The following CMPK2 variants were observed in gnomAD, a reference collection of about 807,000 sequenced individuals.
CMPK2 encodes the protein cytidine/uridine monophosphate kinase 2.
A neutral mutation model predicts 33.4 loss-of-function variants in CMPK2; 32 were observed. The observed-to-expected ratio is 0.96, with a 90% CI of 0.72 to 1.29. CMPK2 has a LOEUF of 1.29. CMPK2 is among the 50% of genes most tolerant of loss of function. The pLI is 0.00. For synonymous variants in CMPK2, 299 were observed against 275.3 expected, an observed-to-expected ratio of 1.09 and a Z score of -0.85; for missense variants, 672 against 616.0, an observed-to-expected ratio of 1.09 and a Z score of -0.96.
chr2:6,864,813 T>C (rs894771757), intron 1 of CMPK2, among the ~76,000 whole-genome samples: 1 of 152,110 alleles, frequency 6.6e-6, no homozygotes, highest in Non-Finnish European at 1.5e-5. Flanking sequence ...TGTAGGTCTA[T>C]GTTCCACGTC....
downstream of CMPK2, among the ~76,000 whole-genome samples, chr2:6,845,986 A>G (rs1208825719): frequency 1.3e-5 from 2 of 151,964 alleles, no homozygotes; most frequent in East Asian, 3.9e-4. Context: ...TTGGTCTACA[A>G]ATAGGACATG....
intron 3 of CMPK2, among the ~76,000 whole-genome samples, chr2:6,856,831 A>C (rs1168622128): frequency 6.6e-6 from 1 of 152,240 alleles, no homozygotes; most frequent in South Asian, 2.1e-4. Context: ...GCCCTCATGC[A>C]TTGCACAACA....
At chr2:6,845,072 AACTGT>A (rs1662324620), downstream of CMPK2, among the ~76,000 whole-genome samples, 1 of 152,302 alleles carries the variant, frequency 6.6e-6, no homozygotes, top group Non-Finnish European at 1.5e-5. Flanking sequence ...GTGTGGGGTC[AACTGT>A]ACAATGCTTA....
rs115978078 is a variant in CMPK2 at position 6,848,331 on chromosome 2, C to T, written c.*1519G>A. On this transcript the variant is annotated 3_prime_UTR_variant, in exon 5 of 5. Transcript: ENST00000256722. The stretch of plus-strand genomic sequence containing the variant: ...GATGACAGCATAGATTAGTAAACCA[C>T]AGCAAAGTTTATTCATGTGCCAGGG... 420 of 984,054 alleles carry T rather than the reference C, an allele frequency of 4.3e-4. 1 individual carries two copies. The African/African-American group carries it at 6.9e-3, about 16-fold the overall frequency. The allele number at this position is 984,054 out of a possible 1,614,324, so 61.0% of individuals were successfully genotyped here.
rs1311271587 is a variant in CMPK2, at chr2:6,865,398, T to C, written c.299A>G (p.His100Arg). 1.3e-5 allele frequency: 17 copies of C among 1,353,406 alleles called. No individual in the cohort carries two copies. The Admixed American group carries it at 6.9e-4, about 55-fold the overall frequency. 83.8% of individuals were successfully genotyped at this position (1,353,406 alleles called of 1,614,324 possible). ...CTGGAAGGGGCCGCGGCGCAGCTGG[T>C]GCAGCAGGCGCTGGTGCAGCCGCGC... Reference protein sequence around the residue: ...RAARLHQRLLHQLRRGPFQRC... With the variant: ...RAARLHQRLLRQLRRGPFQRC... The change falls in exon 1 of 5, where the codon CAC becomes CGC. Residue 100 changes from histidine to arginine, a missense_variant. His to Arg is a conservative substitution (Grantham distance 29). Coordinates refer to ENST00000256722, the MANE Select transcript of CMPK2 (RefSeq NM_207315.4).
chr2:6,849,654 G>A lies in CMPK2; in HGVS notation c.*196C>T. On this transcript the variant is annotated 3_prime_UTR_variant, in exon 5 of 5. Coordinates refer to ENST00000256722, the MANE Select transcript of CMPK2 (RefSeq NM_207315.4). ...GCCTCTCACTGGAACATGATGAGAGGGACCTTTGTGATGACGGGTCCATCA... is the reference window on the plus strand; with the variant it reads ...GCCTCTCACTGGAACATGATGAGAGAGACCTTTGTGATGACGGGTCCATCA... 7.1e-7 allele frequency: 1 copy of A among 1,416,342 alleles called. No homozygotes were observed. Among genetic ancestry groups the A allele is most frequent in the Non-Finnish European group, 9.1e-7 (1 of 1,093,000 alleles). 87.7% of individuals were successfully genotyped at this position (1,416,342 alleles called of 1,614,324 possible). A position where few individuals can be genotyped will look rare whatever the true frequency, so the allele number is the denominator to read the frequency against.
At chr2:6,864,756 C>G (rs1427518708) in intron 1 of CMPK2, among the ~76,000 whole-genome samples, 1 of 152,228 alleles carries the variant, frequency 6.6e-6, no homozygotes, top group Non-Finnish European at 1.5e-5. Flanking sequence ...TTTACTCCCT[C>G]TGTACTGCTG....
chr2:6,848,140 AAAC>A (rs1341714036), downstream of CMPK2, among the ~76,000 whole-genome samples: 1 of 152,230 alleles, frequency 6.6e-6, no homozygotes, highest in African/African-American at 2.4e-5. Flanking sequence ...ATGTAAAATA[AAAC>A]AATAGCCCTC....
Position 6,865,629 on chromosome 2 carries a change from C to T in CMPK2, c.68G>A (p.Cys23Tyr). ...SGPLLGRRGV[C>Y]AGAMAPPRRF... is the part of the protein sequence containing the mutation. Reference sequence around the variant, plus strand: ...GCGCGGCGGAGCCATGGCCCCAGCGCAGACCCCGCGCCGCCCGAGCAGCGG... The same window carrying T: ...GCGCGGCGGAGCCATGGCCCCAGCGTAGACCCCGCGCCGCCCGAGCAGCGG... Residue 23 changes from cysteine to tyrosine, a missense_variant, in exon 1 of 5, where the codon TGC becomes TAC. Coordinates refer to ENST00000256722, the MANE Select transcript of CMPK2 (RefSeq NM_207315.4). 2 of 1,369,564 alleles carry T rather than the reference C, an allele frequency of 1.5e-6. No individual in the cohort carries two copies. Among genetic ancestry groups the T allele is most frequent in the Non-Finnish European group, 1.9e-6 (2 of 1,063,678 alleles). The allele number at this position is 1,369,564 out of a possible 1,614,324, so 84.8% of individuals were successfully genotyped here. A position where few individuals can be genotyped will look rare whatever the true frequency, so the allele number is the denominator to read the frequency against.
Position 6,865,905 on chromosome 2 carries a change from T to C in CMPK2, c.-209A>G. 1 of 1,408,294 alleles carries C rather than the reference T, an allele frequency of 7.1e-7. No homozygotes were observed. Among genetic ancestry groups the C allele is most frequent in the East Asian group, 3.5e-5 (1 of 28,716 alleles). The allele number at this position is 1,408,294 out of a possible 1,614,324, so 87.2% of individuals were successfully genotyped here. A position where few individuals can be genotyped will look rare whatever the true frequency, so the allele number is the denominator to read the frequency against. On this transcript the variant is annotated 5_prime_UTR_variant, in exon 1 of 5. Coordinates refer to ENST00000256722, the MANE Select transcript of CMPK2 (RefSeq NM_207315.4). ...CCGGCCTCTCCTCCTCGCCGCGAGA[T>C]GTGCGCGATAAACGGCCGGCGCTCG...
At chr2:6,845,911 G>A (rs1245118185), downstream of CMPK2, among the ~76,000 whole-genome samples, 2 of 152,084 alleles carry the variant, frequency 1.3e-5, no homozygotes, top group Non-Finnish European at 2.9e-5. Context: ...GAGTATTGAA[G>A]CTAAGATTTG....
chr2:6,853,031 C>T (rs953871035), intron 3 of CMPK2, among the ~76,000 whole-genome samples: 3 of 152,170 alleles, frequency 2.0e-5, no homozygotes, highest in Admixed American at 6.5e-5. Flanking sequence ...CTCACTGCAA[C>T]CTTTGCTTCC....
intron 3 of CMPK2, among the ~76,000 whole-genome samples, chr2:6,860,014 G>A (rs1251623634): frequency 6.6e-6 from 1 of 152,218 alleles, no homozygotes; most frequent in African/African-American, 2.4e-5. Flanking sequence ...AGCACGATCT[G>A]GACATGAGAA....
At chr2:6,846,545 C>T (rs1032449869), downstream of CMPK2, among the ~76,000 whole-genome samples, 1 of 152,216 alleles carries the variant, frequency 6.6e-6, no homozygotes, top group African/African-American at 2.4e-5. Flanking sequence ...ACACCCACAA[C>T]ATTGCATAGA....
chr2:6,856,759 T>C (rs1198175312), intron 3 of CMPK2, among the ~76,000 whole-genome samples: 5 of 152,362 alleles, frequency 3.3e-5, no homozygotes, highest in South Asian at 2.1e-4. Context: ...TGTATTCTAC[T>C]GAATAAACAT....
downstream of CMPK2, among the ~76,000 whole-genome samples, chr2:6,843,639 C>T (rs1400997493): frequency 6.6e-6 from 1 of 152,104 alleles, no homozygotes; most frequent in African/African-American, 2.4e-5. Context: ...TGTCCTGGAA[C>T]CGTAAGGATG....
chr2:6,841,988 G>A (rs1383551855), intron 3 of CMPK2, among the ~76,000 whole-genome samples: 2 of 152,170 alleles, frequency 1.3e-5, no homozygotes, highest in African/African-American at 4.8e-5. Context: ...GCTTTGCTTA[G>A]TTCAAGCACC....
chr2:6,859,474 G>T (rs1010917568), intron 3 of CMPK2, among the ~76,000 whole-genome samples: 1 of 152,134 alleles, frequency 6.6e-6, no homozygotes, highest in African/African-American at 2.4e-5. Flanking sequence ...TGGACCCAGG[G>T]TCCCTCTGCT....
At chr2:6,859,088 T>C (rs535653939) in intron 3 of CMPK2, among the ~76,000 whole-genome samples, 2 of 152,266 alleles carry the variant, frequency 1.3e-5, no homozygotes, top group Non-Finnish European at 2.9e-5. Context: ...GCAAAGAGAC[T>C]GGCGGCATTT....
Sources: gnomAD v4.1 joint callset for allele counts (sites outside exome capture counted in the v4.1 genomes callset) on GRCh38, gnomAD v4.1.1 for gene constraint, MANE v1.5 for transcripts, NCBI Gene and HGNC (gene_info 2026-07-23, HGNC 2026-07-21) for gene names.